Variants in ANKRD63 observed in about 807,000 individuals in gnomAD.
The protein encoded by ANKRD63 is ankyrin repeat domain-containing protein 63.
A neutral mutation model predicts 21.2 loss-of-function variants in ANKRD63; 18 were observed. The observed-to-expected ratio is 0.85, with a 90% confidence interval of 0.59 to 1.26. The LOEUF is 1.26. Among genes scored for constraint, ANKRD63 ranks in the 50% most tolerant of loss-of-function variants. The probability of loss-of-function intolerance (pLI) is 0.00; values close to 1 mark genes in which losing one functional copy is unlikely to be tolerated. For synonymous variants in ANKRD63, 322 were observed against 273.3 expected (o/e 1.18, Z -1.76); for missense variants, 523 against 570.9 (o/e 0.92, Z 0.85).
At position 40,282,113 on chromosome 15, in the gene ANKRD63, C is replaced by G. The variant is rs983268394; in HGVS notation, c.474G>C (p.Leu158=). 379 of 1,409,316 alleles carry G rather than the reference C, an allele frequency of 2.7e-4. No individual in the cohort carries two copies. Among genetic ancestry groups the G allele is most frequent in the Non-Finnish European group, 3.3e-4 (363 of 1,091,534 alleles). The allele number at this position is 1,409,316 out of a possible 1,614,324, so 87.3% of individuals were successfully genotyped here. The change falls in exon 1 of 1, where the codon CTG becomes CTC. Residue 158 remains leucine (L), a synonymous_variant. Transcript: ENST00000434396. Reference sequence around the variant, plus strand: ...CGTGGCCGCGGGCGGCGGCCAGTTGCAGCGCGGTGAGCCCCGCACGGTTGG... The same window carrying G: ...CGTGGCCGCGGGCGGCGGCCAGTTGGAGCGCGGTGAGCCCCGCACGGTTGG... ...DRTNRAGLTA[L]QLAAARGHGT...
rs1393039722 is a variant in ANKRD63, at chr15:40,281,932, G to A, written c.655C>T (p.Leu219=). The part of the protein sequence containing the change: ...PSPRRLPRPL[L]ARFARAAGGH... The stretch of plus-strand genomic sequence containing the variant: ...CCCGCCGCTCGCGCAAAGCGCGCCA[G>A]GAGAGGCCGCGGGAGGCGGCGGGGG... The change falls in exon 1 of 1, where the codon CTG becomes TTG. Residue 219 remains leucine, a synonymous_variant. Coordinates refer to ENST00000434396, the MANE Select transcript of ANKRD63 (RefSeq NM_001190479.3). 13 of 1,338,898 alleles carry A rather than the reference G, an allele frequency of 9.7e-6. No individual in the cohort carries two copies. The highest frequency in any genetic ancestry group is 1.1e-5 in the Non-Finnish European group (12 of 1,051,404). The allele number at this position is 1,338,898 out of a possible 1,614,324, so 82.9% of individuals were successfully genotyped here.
Position 40,281,345 on chromosome 15 carries a change from G to T in ANKRD63, c.*99C>A. 9.1e-7 allele frequency: 1 copy of T among 1,095,120 alleles called. No homozygotes were observed. Among genetic ancestry groups the T allele is most frequent in the Non-Finnish European group, 1.2e-6 (1 of 833,118 alleles). The allele number at this position is 1,095,120 out of a possible 1,614,324, so 67.8% of individuals were successfully genotyped here. On this transcript the variant is annotated 3_prime_UTR_variant, in exon 1 of 1. Coordinates refer to ENST00000434396, the MANE Select transcript of ANKRD63 (RefSeq NM_001190479.3). ...GAGGCAGGTTCCAAAATGGACTGCGGGGGGCGGCTGCCGAAAAGGTGAGGG... is the reference window on the plus strand; with the variant it reads ...GAGGCAGGTTCCAAAATGGACTGCGTGGGGCGGCTGCCGAAAAGGTGAGGG...
In ANKRD63 at chr15:40,279,902, T is replaced by G. The variant is rs2141002853; in HGVS notation, c.*1542A>C. Among the ~76,000 whole-genome samples, 1 of 152,332 alleles carries G rather than the reference T, an allele frequency of 6.6e-6. No individual in the cohort carries two copies. Among genetic ancestry groups the G allele is most frequent in the East Asian group, 1.9e-4 (1 of 5,180 alleles). On this transcript the variant is annotated 3_prime_UTR_variant, in exon 1 of 1. Transcript: ENST00000434396. ...CCGCCTCCCCGCGGGCCAGGCGCACTGACACACGTGCTGGCGCTTCCGCAA... is the reference window on the plus strand; with the variant it reads ...CCGCCTCCCCGCGGGCCAGGCGCACGGACACACGTGCTGGCGCTTCCGCAA...
At position 40,280,988 on chromosome 15, in the gene ANKRD63, G is replaced by C. The variant is rs1052115210; in HGVS notation, c.*456C>G. Among the ~76,000 whole-genome samples the C allele has an allele frequency of 1.1e-4, 16 of 152,352 alleles. No homozygotes were observed. Among genetic ancestry groups the C allele is most frequent in the Middle Eastern group, 6.8e-3 (2 of 294 alleles). ...CACACTTGGAGGGAAAGGAGACTTT[G>C]GTAGTTTGTGGGATTATTGTCAGCA... On this transcript the variant is annotated 3_prime_UTR_variant, in exon 1 of 1. Coordinates refer to ENST00000434396, the MANE Select transcript of ANKRD63 (RefSeq NM_001190479.3).
rs978823354 is a variant in ANKRD63, at chr15:40,281,349, G to T, written c.*95C>A. 11 of 1,123,980 alleles carry T rather than the reference G, an allele frequency of 9.8e-6. No individual in the cohort carries two copies. In the Admixed American group the frequency reaches 2.6e-4, roughly 27 times the overall value. 69.6% of individuals were successfully genotyped at this position (1,123,980 alleles called of 1,614,324 possible). ...CAGGTTCCAAAATGGACTGCGGGGGGCGGCTGCCGAAAAGGTGAGGGACCT... is the reference window on the plus strand; with the variant it reads ...CAGGTTCCAAAATGGACTGCGGGGGTCGGCTGCCGAAAAGGTGAGGGACCT... On this transcript the variant is annotated 3_prime_UTR_variant, in exon 1 of 1. Coordinates refer to ENST00000434396, the MANE Select transcript of ANKRD63 (RefSeq NM_001190479.3).
Position 40,282,093 on chromosome 15 carries a change from C to A in ANKRD63, c.494G>T (p.Gly165Val). Residue 165 changes from glycine to valine, a missense_variant, in exon 1 of 1, where the codon GGC becomes GTC. Coordinates refer to ENST00000434396, the MANE Select transcript of ANKRD63 (RefSeq NM_001190479.3). Reference sequence around the variant, plus strand: ...GAGGGCCTGCACACAGGTCCCGTGGCCGCGGGCGGCGGCCAGTTGCAGCGC... The same window carrying A: ...GAGGGCCTGCACACAGGTCCCGTGGACGCGGGCGGCGGCCAGTTGCAGCGC... ...LTALQLAAAR[G>V]HGTCVQALTG... 2.2e-6 allele frequency: 3 copies of A among 1,381,868 alleles called. No homozygotes were observed. Among genetic ancestry groups the A allele is most frequent in the East Asian group, 3.1e-5 (1 of 32,568 alleles). The allele number at this position is 1,381,868 out of a possible 1,614,324, so 85.6% of individuals were successfully genotyped here.
At position 40,281,475 on chromosome 15, in the gene ANKRD63, G is replaced by A; in HGVS notation, c.1112C>T (p.Thr371Ile). ...VPGPNPWQAG[T>I]EAVVLRAQR ...CTGAGCACGCAGCACCACAGCCTCG[G>A]TGCCCGCCTGCCAAGGGTTCGGCCC... The change falls in exon 1 of 1, where the codon ACC becomes ATC. Residue 371 changes from threonine (T) to isoleucine (I), a missense_variant. Coordinates refer to ENST00000434396, the MANE Select transcript of ANKRD63 (RefSeq NM_001190479.3). 1 of 1,431,596 alleles carries A rather than the reference G, an allele frequency of 7.0e-7. No individual in the cohort carries two copies. The highest frequency in any genetic ancestry group is 2.6e-5 in the East Asian group (1 of 38,308). The allele number at this position is 1,431,596 out of a possible 1,614,324, so 88.7% of individuals were successfully genotyped here.
Position 40,282,408 on chromosome 15 carries a change from G to C in ANKRD63, c.179C>G (p.Pro60Arg). The C allele has an allele frequency of 6.7e-7, 1 of 1,503,212 alleles. No individual in the cohort carries two copies. The highest frequency in any genetic ancestry group is 1.2e-5 in the South Asian group (1 of 80,064). 93.1% of individuals were successfully genotyped at this position (1,503,212 alleles called of 1,614,324 possible). A position where few individuals can be genotyped will look rare whatever the true frequency, so the allele number is the denominator to read the frequency against. ...CCGCACGAAGCGCGCGCGCAGCGCG[G>C]GGTCCGGCAGCCCCACGGCCACCAT... Reference protein sequence around the residue: ...PLMVAVGLPDPALRARFVRLL... With the variant: ...PLMVAVGLPDRALRARFVRLL... The change falls in exon 1 of 1, where the codon CCC (proline) becomes CGC (arginine). Residue 60 changes from proline (P) to arginine (R), a missense_variant. Pro to Arg is a moderately radical substitution (Grantham distance 103). Transcript: ENST00000434396.
In ANKRD63 at chr15:40,281,993, C is replaced by CGCGGGGGCT. The variant is rs1566862954; in HGVS notation, c.593_594insAGCCCCCGC (p.Pro200_Ala202dup). The CGCGGGGGCT allele has an allele frequency of 8.2e-7, 1 of 1,216,162 alleles. No individual in the cohort carries two copies. The highest frequency in any genetic ancestry group is 1.6e-5 in the African/African-American group (1 of 63,264). 75.3% of individuals were successfully genotyped at this position (1,216,162 alleles called of 1,614,324 possible). A position where few individuals can be genotyped will look rare whatever the true frequency, so the allele number is the denominator to read the frequency against. On this transcript the variant is annotated inframe_insertion, in exon 1 of 1. Transcript: ENST00000434396. ...GATGCTCGGGGCTGGCCGCGGGGGC[C>CGCGGGGGCT]GGGCGGCCAGGGGGACTATCGGAGT...
chr15:40,282,636 C>T lies in ANKRD63; in HGVS notation c.-50G>A, dbSNP rs1340708979. 9.1e-6 allele frequency: 12 copies of T among 1,312,220 alleles called. No individual in the cohort carries two copies. Among genetic ancestry groups the T allele is most frequent in the Non-Finnish European group, 1.1e-5 (11 of 1,023,432 alleles). The allele number at this position is 1,312,220 out of a possible 1,614,324, so 81.3% of individuals were successfully genotyped here. A position where few individuals can be genotyped will look rare whatever the true frequency, so the allele number is the denominator to read the frequency against. ...GCCTGGCAGTTCCGCACGGGGGCGCCCCTGTTCTCGCGCCCCGCGGGGCTC... is the reference window on the plus strand; with the variant it reads ...GCCTGGCAGTTCCGCACGGGGGCGCTCCTGTTCTCGCGCCCCGCGGGGCTC... On this transcript the variant is annotated 5_prime_UTR_variant, in exon 1 of 1. Transcript: ENST00000434396.
chr15:40,281,614 G>C lies in ANKRD63; in HGVS notation c.973C>G (p.Leu325Val). ...GCTGTGGAGCGTCGGCGCAAACCCA[G>C]GCGGCCAGAGCCGGGGCCGCCCTCC... ...HPEGGPGSGRLGLRRRSTAPD... is the reference protein window; with the variant it reads ...HPEGGPGSGRVGLRRRSTAPD... Residue 325 changes from leucine (L) to valine (V), a missense_variant, in exon 1 of 1, where the codon CTG becomes GTG. By Grantham distance (32) the Leu-to-Val change is conservative. Coordinates refer to ENST00000434396, the MANE Select transcript of ANKRD63 (RefSeq NM_001190479.3). 1 of 1,528,336 alleles carries C rather than the reference G, an allele frequency of 6.5e-7. No individual in the cohort carries two copies. The highest frequency in any genetic ancestry group is 8.7e-7 in the Non-Finnish European group (1 of 1,142,988). The allele number at this position is 1,528,336 out of a possible 1,614,324, so 94.7% of individuals were successfully genotyped here.
rs2141003579 is a variant in ANKRD63 at position 40,281,371 on chromosome 15, A to AC, written c.*72dup. On this transcript the variant is annotated 3_prime_UTR_variant, in exon 1 of 1. Transcript: ENST00000434396. Reference sequence around the variant, plus strand: ...GGGGCGGCTGCCGAAAAGGTGAGGGACCTAGAAGAGAGAAATACCAGTGGA... The same window carrying AC: ...GGGGCGGCTGCCGAAAAGGTGAGGGACCCTAGAAGAGAGAAATACCAGTGGA... 7.9e-7 allele frequency: 1 copy of AC among 1,272,702 alleles called. No individual in the cohort carries two copies. The highest frequency in any genetic ancestry group is 3.1e-5 in the East Asian group (1 of 32,640). 78.8% of individuals were successfully genotyped at this position (1,272,702 alleles called of 1,614,324 possible).
Position 40,281,798 on chromosome 15 carries a change from C to T in ANKRD63, c.789G>A (p.Ala263=), listed in dbSNP as rs372274308. 3.9e-6 allele frequency: 6 copies of T among 1,534,942 alleles called. No individual in the cohort carries two copies. The highest frequency in any genetic ancestry group is 5.2e-6 in the Non-Finnish European group (6 of 1,146,522). ...LGRSMSLALG[A]VTEEEAARLR... ...GGCGGGCAGCCTCCTCCTCGGTTAC[C>T]GCACCTAGAGCCAGGCTCATGCTCC... is the stretch of plus-strand genomic sequence containing the variant. Residue 263 remains alanine (A), a synonymous_variant, in exon 1 of 1, where the codon GCG becomes GCA. Coordinates refer to ENST00000434396, the MANE Select transcript of ANKRD63 (RefSeq NM_001190479.3).
At position 40,278,769 on chromosome 15, in the gene ANKRD63, G is replaced by A. The variant is rs758757914; in HGVS notation, c.*2675C>T. ...GATGCAGTTCAGACAGGAAAGAGCC[G>A]CTGCAGTTGTTTAGAAACATCGCTT... On this transcript the variant is annotated 3_prime_UTR_variant, in exon 1 of 1. Coordinates refer to ENST00000434396, the MANE Select transcript of ANKRD63 (RefSeq NM_001190479.3). Among the ~76,000 whole-genome samples the A allele has an allele frequency of 1.3e-5, 2 of 152,112 alleles. No individual in the cohort carries two copies. The highest frequency in any genetic ancestry group is 6.5e-5 in the Admixed American group (1 of 15,276).
chr15:40,278,550 A>G lies in ANKRD63; in HGVS notation c.*2894T>C, dbSNP rs1478590756. 6.8e-6 allele frequency among the ~76,000 whole-genome samples: 1 copy of G among 147,028 alleles called. No homozygotes were observed. Among genetic ancestry groups the G allele is most frequent in the Non-Finnish European group, 1.5e-5 (1 of 64,772 alleles). On this transcript the variant is annotated 3_prime_UTR_variant, in exon 1 of 1. Coordinates refer to ENST00000434396, the MANE Select transcript of ANKRD63 (RefSeq NM_001190479.3). ...GACTCTTCACAATGACAAAAGCAACAAGAACTGGAAAAGCAAAATATTTAG... is the reference window on the plus strand; with the variant it reads ...GACTCTTCACAATGACAAAAGCAACGAGAACTGGAAAAGCAAAATATTTAG...
rs1227872381 is a variant in ANKRD63, at chr15:40,280,250, G to C, written c.*1194C>G. Among the ~76,000 whole-genome samples the C allele has an allele frequency of 6.6e-6, 1 of 152,230 alleles. No individual in the cohort carries two copies. The highest frequency in any genetic ancestry group is 1.5e-5 in the Non-Finnish European group (1 of 68,038). On this transcript the variant is annotated 3_prime_UTR_variant, in exon 1 of 1. Transcript: ENST00000434396. Reference sequence around the variant, plus strand: ...CAGGCTCCTTCCAGCTCTCGCCAGAGTTTGATATAATTTAAACCTGGACCC... The same window carrying C: ...CAGGCTCCTTCCAGCTCTCGCCAGACTTTGATATAATTTAAACCTGGACCC...
At position 40,280,546 on chromosome 15, in the gene ANKRD63, GGCGGGGAA is replaced by G. The variant is rs891057696; in HGVS notation, c.*890_*897del. Among the ~76,000 whole-genome samples, 68 of 152,400 alleles carry G rather than the reference GGCGGGGAA, an allele frequency of 4.5e-4. No homozygotes were observed. The highest frequency in any genetic ancestry group is 2.9e-3 in the Admixed American group (44 of 15,314). On this transcript the variant is annotated 3_prime_UTR_variant, in exon 1 of 1. Transcript: ENST00000434396. ...GGACGGGGGAGCTGGGAGGCGTGGA[GGCGGGGAA>G]GCGCTCAGTCCTTTCCATTTCAGGC...
rs941759150 is a variant in ANKRD63, at chr15:40,279,022, G to T, written c.*2422C>A. ...TTAAAATTCAACACAGTTGAAAAGG[G>T]AGTACATAAGCAAGCAAGGGTCAGA... On this transcript the variant is annotated 3_prime_UTR_variant, in exon 1 of 1. Coordinates refer to ENST00000434396, the MANE Select transcript of ANKRD63 (RefSeq NM_001190479.3). 3.9e-5 allele frequency among the ~76,000 whole-genome samples: 6 copies of T among 152,214 alleles called. No individual in the cohort carries two copies. Among genetic ancestry groups the T allele is most frequent in the Non-Finnish European group, 8.8e-5 (6 of 68,044 alleles).
rs1056852577 is a variant in ANKRD63 at position 40,281,913 on chromosome 15, G to A, written c.674C>T (p.Ala225Val). The A allele has an allele frequency of 2.1e-6, 3 of 1,408,496 alleles. No individual in the cohort carries two copies. Among genetic ancestry groups the A allele is most frequent in the Non-Finnish European group, 2.7e-6 (3 of 1,091,924 alleles). The allele number at this position is 1,408,496 out of a possible 1,614,324, so 87.2% of individuals were successfully genotyped here. Residue 225 changes from alanine to valine, a missense_variant, in exon 1 of 1, where the codon GCG (alanine) becomes GTG (valine). By Grantham distance (64) the Ala-to-Val change is moderately conservative. Coordinates refer to ENST00000434396, the MANE Select transcript of ANKRD63 (RefSeq NM_001190479.3). ...AGCCTCGCCGCCGTGGCCGCCCGCC[G>A]CTCGCGCAAAGCGCGCCAGGAGAGG... ...PRPLLARFAR[A>V]AGGHGGEAGS...
Sources: allele counts gnomAD v4.1 joint callset (sites outside exome capture counted in the v4.1 genomes callset), GRCh38; gene constraint gnomAD v4.1.1; transcripts MANE v1.5; gene names NCBI Gene and HGNC (gene_info 2026-07-23, HGNC 2026-07-21).